Variants in LRRC56 observed in about 807,000 individuals in gnomAD.
LRRC56 encodes the protein leucine-rich repeat-containing protein 56.
Under a neutral mutation model 47.8 loss-of-function variants are expected in LRRC56, and 41 were observed. The ratio of observed to expected loss-of-function variants is 0.86; its 90% CI spans 0.67 to 1.11. The LOEUF (loss-of-function observed/expected upper bound fraction) is 1.11. Among genes scored for constraint, LRRC56 ranks in the 50% most tolerant of loss-of-function variants. LRRC56 has a pLI of 0.00. For missense variants in LRRC56, 759 were observed against 704.2 expected (o/e 1.08, Z -0.88); for synonymous variants, 387 against 311.2 (o/e 1.24, Z -2.56).
At chr11:540,965 CT>C in intron 4 of LRRC56, 104 bp downstream of exon 4, 5 of 972,992 alleles carry the variant, frequency 5.1e-6, no homozygotes, top group Non-Finnish European at 7.4e-6. Context: ...CCCCCTCCTG[CT>C]GGTCTTGCCT....
At chr11:529,566 T>C in the LRRC56 span, 1 of 152,240 alleles carries the variant, frequency 6.6e-6, no homozygotes, top group African/African-American at 2.4e-5. Flanking sequence ...GGTGCGGGGA[T>C]GGGCTCTCCC....
chr11:529,473 C>T, the LRRC56 span: 1 of 152,266 alleles, frequency 6.6e-6, no homozygotes, highest in Non-Finnish European at 1.5e-5. Context: ...GACACGGAGC[C>T]CTCTGTTCTC....
chr11:531,390 G>C, the LRRC56 span, among the ~76,000 whole-genome samples: 1 of 152,178 alleles, frequency 6.6e-6, no homozygotes, highest in African/African-American at 2.4e-5. Context: ...GGGGCGCTGT[G>C]GGCCCCCAGC....
chr11:521,661 T>G, the LRRC56 span, among the ~76,000 whole-genome samples: 1 of 152,118 alleles, frequency 6.6e-6, no homozygotes, highest in African/African-American at 2.4e-5. Context: ...ACGCCTGTAA[T>G]CCCAGCACTT....
At chr11:544,675 C>T (rs754449334) in intron 5 of LRRC56, 45 bp from the exon 6 acceptor site, 27 of 1,595,368 alleles carry the variant, frequency 1.7e-5, no homozygotes, top group Admixed American at 1.2e-4. Flanking sequence ...CAGAGGTGGG[C>T]GGGGTGAGGG....
At chr11:532,809 G>A (rs2133982977), upstream of LRRC56, 1 of 1,566,092 alleles carries the variant, frequency 6.4e-7, no homozygotes. Flanking sequence ...GCCTGCCTGG[G>A]TGAGGGGCTC....
At position 547,437 on chromosome 11, in the gene LRRC56, T is replaced by TC. The variant is rs796464972; in HGVS notation, c.327-2464dup. ...GGCGCAATCTCGGCTCACTGCAATC[T>TC]CGCCTCCCGGGTTCACGCCATTCCC... On this transcript the variant is annotated intron_variant, in intron 6 of 13. Coordinates refer to ENST00000270115, the MANE Select transcript of LRRC56 (RefSeq NM_198075.4). Among the ~76,000 whole-genome samples the TC allele has an allele frequency of 2.3e-4, 35 of 151,790 alleles. No homozygotes were observed. In the South Asian group the frequency reaches 6.4e-3, roughly 28 times the overall value.
chr11:511,419 G>T, the LRRC56 span, among the ~76,000 whole-genome samples: 1 of 152,166 alleles, frequency 6.6e-6, no homozygotes, highest in Non-Finnish European at 1.5e-5. Flanking sequence ...TCATACGTGA[G>T]TGGTTACGTA....
At chr11:521,914 C>CAA in the LRRC56 span, among the ~76,000 whole-genome samples, 21 of 142,786 alleles carry the variant, frequency 1.5e-4, no homozygotes, top group African/African-American at 2.3e-4. Flanking sequence ...GACTCCGTCT[C>CAA]AAAAAAAAAA....
At chr11:517,626 T>C in the LRRC56 span, among the ~76,000 whole-genome samples, 1 of 152,080 alleles carries the variant, frequency 6.6e-6, no homozygotes, top group Admixed American at 6.5e-5. Flanking sequence ...GAGGAGTGCC[T>C]CTGCCAGGCC....
At chr11:535,930 G>GCAGCGCGGCGCCGC (rs1851470840), upstream of LRRC56, among the ~76,000 whole-genome samples, 2 of 152,170 alleles carry the variant, frequency 1.3e-5, no homozygotes, top group Admixed American at 6.5e-5. Context: ...CCCTGCGCCG[G>GCAGCGCGGCGCCGC]CAGCGCGGCG....
chr11:527,797 T>G, the LRRC56 span, among the ~76,000 whole-genome samples: 1 of 149,816 alleles, frequency 6.7e-6, no homozygotes, highest in Non-Finnish European at 1.5e-5. Flanking sequence ...ACCCACTGGG[T>G]TCAATCGATT....
At chr11:511,351 A>T in the LRRC56 span, among the ~76,000 whole-genome samples, 2 of 151,762 alleles carry the variant, frequency 1.3e-5, no homozygotes, top group Non-Finnish European at 2.9e-5. Flanking sequence ...ATGGGAAAAC[A>T]TTGAGGATGA....
chr11:545,763 T>A (rs1480181849), intron 6 of LRRC56, among the ~76,000 whole-genome samples: 1 of 152,090 alleles, frequency 6.6e-6, no homozygotes, highest in Non-Finnish European at 1.5e-5. Context: ...GCAAAGTGGG[T>A]TTTGTGAAAA....
Position 541,717 on chromosome 11 carries a change from T to C in LRRC56, c.265+93T>C. 1.2e-6 allele frequency: 1 copy of C among 809,284 alleles called. No individual in the cohort carries two copies. The allele number at this position is 809,284 out of a possible 1,614,324, so 50.1% of individuals were successfully genotyped here. ...CCTGGTTATGACGACAAAGCTGTCC[T>C]CACCTCTCGGGCCGCGTATCGGCTT... On this transcript the variant is annotated intron_variant, in intron 5 of 13. Coordinates refer to ENST00000270115, the MANE Select transcript of LRRC56 (RefSeq NM_198075.4). This position sits in a 1 kb window ranked among gnomAD's most constrained non-coding sequence, Gnocchi z 4.1.
chr11:510,611 G>A, the LRRC56 span, among the ~76,000 whole-genome samples: 9 of 152,114 alleles, frequency 5.9e-5, no homozygotes, highest in Non-Finnish European at 1.2e-4. Context: ...GGTGGCACAT[G>A]CCTGTAATCC....
At chr11:513,984 TTTTG>T in the LRRC56 span, among the ~76,000 whole-genome samples, 2 of 151,998 alleles carry the variant, frequency 1.3e-5, no homozygotes, top group East Asian at 1.9e-4. Flanking sequence ...TATCTTAGTT[TTTTG>T]TTTGTTTGTT....
Position 551,322 on chromosome 11 carries a change from A to G in LRRC56, c.796+20A>G. The G allele has an allele frequency of 1.3e-6, 2 of 1,484,542 alleles. No homozygotes were observed. The highest frequency in any genetic ancestry group is 1.8e-6 in the Non-Finnish European group (2 of 1,104,586). 92.0% of individuals were successfully genotyped at this position (1,484,542 alleles called of 1,614,324 possible). On this transcript the variant is annotated intron_variant, in intron 9 of 13. Transcript: ENST00000270115. ...CGCTGGGTACGGCAGCTGCGCCCGG[A>G]GGACCCACTGCTGAGCCCCAGCTCC...
At position 537,557 on chromosome 11, in the gene LRRC56, G is replaced by C. The variant is rs931122546; in HGVS notation, c.-470G>C. 1.2e-4 allele frequency: 19 copies of C among 152,316 alleles called. No individual in the cohort carries two copies. The highest frequency in any genetic ancestry group is 4.3e-4 in the African/African-American group (18 of 41,472). 9.4% of individuals were successfully genotyped at this position (152,316 alleles called of 1,614,324 possible). A position where few individuals can be genotyped will look rare whatever the true frequency, so the allele number is the denominator to read the frequency against. ...AGGAGACAGCGCCTGGAGGTGGAGG[G>C]CGCCCAGGGCCGAGCTGCCAGGGCC... On this transcript the variant is annotated 5_prime_UTR_variant, in exon 1 of 14. Coordinates refer to ENST00000270115, the MANE Select transcript of LRRC56 (RefSeq NM_198075.4).
Sources: gnomAD v4.1 joint callset for allele counts (sites outside exome capture counted in the v4.1 genomes callset) on GRCh38, gnomAD v4.1.1 for gene constraint, Gnocchi (gnomAD v3.1) non-coding constraint, MANE v1.5 for transcripts, NCBI Gene and HGNC (gene_info 2026-07-23, HGNC 2026-07-21) for gene names.